GPR158: variants seen among roughly 807,000 people sequenced by gnomAD.
GPR158 encodes metabotropic glycine receptor.
In GPR158, 30 loss-of-function variants were observed where a neutral mutation model predicts 78.2. That is an observed-to-expected ratio of 0.38 (90% CI 0.29 to 0.52). The LOEUF (loss-of-function observed/expected upper bound fraction) is 0.52. GPR158 is among the 20% of genes least tolerant of loss of function. GPR158 has a pLI of 0.83. For synonymous variants in GPR158, 581 were observed against 591.1 expected (o/e 0.98, Z 0.25); for missense variants, 1,463 against 1,523.5 (o/e 0.96, Z 0.66).
At chr10:25,215,149 T>C (rs1853191133) in intron 1 of GPR158, among the ~76,000 whole-genome samples, 1 of 152,140 alleles carries the variant, frequency 6.6e-6, no homozygotes, top group South Asian at 2.1e-4. Context: ...AAACAAAATG[T>C]GATGTGTATA....
chr10:25,392,862 C>A (rs1263914798), intron 2 of GPR158, among the ~76,000 whole-genome samples: 3 of 152,006 alleles, frequency 2.0e-5, no homozygotes, highest in Admixed American at 1.3e-4. Flanking sequence ...TACTTCAAGG[C>A]AAAAGCATGA....
rs1397731993 is a variant in GPR158 at position 25,412,324 on chromosome 10, A to C, written c.1186A>C (p.Arg396=). ...AGAAGCCTATGTCTGCCTACCTTGC[A>C]GGGAGGGCTGCCCCTTCTGTGCTGA... ...SEEAYVCLPC[R]EGCPFCADDS... Residue 396 remains arginine, a synonymous_variant, in exon 4 of 11, where the codon AGG becomes CGG. Coordinates refer to ENST00000376351, the MANE Select transcript of GPR158 (RefSeq NM_020752.3). The C allele has an allele frequency of 6.2e-7, 1 of 1,614,098 alleles. No individual in the cohort carries two copies.
At chr10:25,420,526 G>C (rs1716797251) in intron 4 of GPR158, among the ~76,000 whole-genome samples, 2 of 152,128 alleles carry the variant, frequency 1.3e-5, no homozygotes, top group African/African-American at 4.8e-5. Context: ...TCATATGCAA[G>C]AAATGATAGC....
intron 6 of GPR158, 115 bp downstream of exon 6, chr10:25,551,200 CA>C (rs1564487380): frequency 2.9e-6 from 2 of 680,342 alleles, no homozygotes; most frequent in Non-Finnish European, 5.3e-6. Context: ...ATTTACATAG[CA>C]AGATACTATA....
At chr10:25,348,214 G>A (rs971167938) in intron 2 of GPR158, among the ~76,000 whole-genome samples, 10 of 151,884 alleles carry the variant, frequency 6.6e-5, no homozygotes, top group African/African-American at 1.2e-4. Flanking sequence ...AGTGATTTTA[G>A]ACAGGGATTT....
Position 25,265,966 on chromosome 10 carries a change from A to G in GPR158, c.1008+44809A>G, listed in dbSNP as rs189046088. 3.5e-4 allele frequency among the ~76,000 whole-genome samples: 54 copies of G among 152,242 alleles called. No individual in the cohort carries two copies. The East Asian group carries it at 8.1e-3, about 23-fold the overall frequency. On this transcript the variant is annotated intron_variant, in intron 2 of 10. Coordinates refer to ENST00000376351, the MANE Select transcript of GPR158 (RefSeq NM_020752.3). ...GCTTTACATTGCCGACTGGGTTCAG[A>G]TCCACATTCTTGGATTGCTGTGACT...
intron 4 of GPR158, among the ~76,000 whole-genome samples, chr10:25,448,115 C>T (rs530809235): frequency 1.0e-4 from 14 of 140,132 alleles, no homozygotes; most frequent in African/African-American, 2.8e-4. Flanking sequence ...GACGGAGTCT[C>T]GTTCTGTCAC....
chr10:25,291,459 G>A (rs1203824219), intron 2 of GPR158, among the ~76,000 whole-genome samples: 2 of 151,880 alleles, frequency 1.3e-5, no homozygotes, highest in Non-Finnish European at 2.9e-5. Context: ...TCATCATAAA[G>A]AGGATACAAT....
intron 2 of GPR158, among the ~76,000 whole-genome samples, chr10:25,240,130 C>T (rs1853583584): frequency 6.6e-6 from 1 of 152,164 alleles, no homozygotes. Context: ...GATAGGTCAT[C>T]CTATATTGTA....
At chr10:25,580,564 AT>A (rs1837175539) in intron 7 of GPR158, among the ~76,000 whole-genome samples, 1 of 114,682 alleles carries the variant, frequency 8.7e-6, no homozygotes, top group African/African-American at 5.2e-5. Context: ...GTGAAATGTG[AT>A]ATAAGTGCCA....
intron 1 of GPR158, among the ~76,000 whole-genome samples, chr10:25,214,425 C>T (rs1017050422): frequency 6.6e-6 from 1 of 152,168 alleles, no homozygotes; most frequent in African/African-American, 2.4e-5. Context: ...TTTCTATAGA[C>T]TCTTTACACA....
chr10:25,213,139 T>A lies in GPR158; in HGVS notation c.903-7913T>A, dbSNP rs1467309676. Among the ~76,000 whole-genome samples, 3 of 152,320 alleles carry A rather than the reference T, an allele frequency of 2.0e-5. No individual in the cohort carries two copies. The East Asian group carries it at 5.8e-4, about 29-fold the overall frequency. ...AATATCTTCACTTCTGATCTTTATA[T>A]CTCATTTTTCTTTTTCAGTTTTTTT... On this transcript the variant is annotated intron_variant, in intron 1 of 10. Transcript: ENST00000376351.
intron 2 of GPR158, among the ~76,000 whole-genome samples, chr10:25,313,120 T>C (rs7896142): frequency 0.2 from 30,605 of 151,580 alleles, 5,202 homozygotes; most frequent in African/African-American, 0.47. Flanking sequence ...TAAACAATAG[T>C]GGAGGAAATG....
At chr10:25,216,616 AC>A (rs1351364582) in intron 1 of GPR158, among the ~76,000 whole-genome samples, 3 of 152,190 alleles carry the variant, frequency 2.0e-5, no homozygotes, top group Non-Finnish European at 4.4e-5. Context: ...AGTGGGGAAA[AC>A]ATATCATTGA....
chr10:25,290,918 T>G (rs1048989319), intron 2 of GPR158, among the ~76,000 whole-genome samples: 1 of 151,938 alleles, frequency 6.6e-6, no homozygotes, highest in Non-Finnish European at 1.5e-5. Flanking sequence ...AAAATAAAAT[T>G]CTATTGTAAT....
At chr10:25,286,972 T>G (rs1186999497) in intron 2 of GPR158, among the ~76,000 whole-genome samples, 1 of 152,190 alleles carries the variant, frequency 6.6e-6, no homozygotes, top group Non-Finnish European at 1.5e-5. Flanking sequence ...TTAATCTCCC[T>G]GCAGTATACC....
rs1837479556 is a variant in GPR158 at position 25,600,387 on chromosome 10, GACAT to G, written c.*1115_*1118del. The G allele has an allele frequency of 6.6e-6, 1 of 152,334 alleles. No homozygotes were observed. The highest frequency in any genetic ancestry group is 1.5e-5 in the Non-Finnish European group (1 of 68,014). The allele number at this position is 152,334 out of a possible 1,614,324, so 9.4% of individuals were successfully genotyped here. ...ATTGGAAAGGGAAGACTCTAGGGAT[GACAT>G]AAGAATTATAGCAGTACTATAAACC... On this transcript the variant is annotated 3_prime_UTR_variant, in exon 11 of 11. Coordinates refer to ENST00000376351, the MANE Select transcript of GPR158 (RefSeq NM_020752.3).
chr10:25,585,721 G>A (rs1400350113), intron 7 of GPR158, among the ~76,000 whole-genome samples: 2 of 152,212 alleles, frequency 1.3e-5, no homozygotes, highest in Non-Finnish European at 2.9e-5. Flanking sequence ...GCTCACGCCT[G>A]TAATCCCAGC....
chr10:25,258,425 A>G (rs1853919275), intron 2 of GPR158, among the ~76,000 whole-genome samples: 1 of 152,128 alleles, frequency 6.6e-6, no homozygotes, highest in African/African-American at 2.4e-5. Flanking sequence ...TGAGGAACTA[A>G]AGTTCTTAAT....
Sources: allele counts gnomAD v4.1 joint callset (sites outside exome capture counted in the v4.1 genomes callset), GRCh38; gene constraint gnomAD v4.1.1; transcripts MANE v1.5; gene names NCBI Gene and HGNC (gene_info 2026-07-23, HGNC 2026-07-21).